CHP1: variants seen among roughly 807,000 people sequenced by gnomAD.
The protein encoded by CHP1 is calcineurin like EF-hand protein 1.
Under a neutral mutation model 27.4 loss-of-function variants are expected in CHP1, and 11 were observed. The ratio of observed to expected loss-of-function variants is 0.40; its 90% CI spans 0.25 to 0.67. The LOEUF (loss-of-function observed/expected upper bound fraction) is 0.67. Among genes scored for constraint, CHP1 ranks in the 30% least tolerant of loss-of-function variants. CHP1 has a pLI of 0.38. For synonymous variants in CHP1, 89 were observed against 87.4 expected, an observed-to-expected ratio of 1.02 and a Z score of -0.10; for missense variants, 169 against 251.3, an observed-to-expected ratio of 0.67 and a Z score of 2.22.
chr15:41,257,535 T>C (rs1303044152), intron 3 of CHP1, among the ~76,000 whole-genome samples: 1 of 151,822 alleles, frequency 6.6e-6, no homozygotes, highest in African/African-American at 2.4e-5. Flanking sequence ...ATAATCAATA[T>C]TAAAAATAAC....
At chr15:41,274,516 G>A (rs1223168462) in intron 5 of CHP1, among the ~76,000 whole-genome samples, 1 of 152,088 alleles carries the variant, frequency 6.6e-6, no homozygotes, top group African/African-American at 2.4e-5. Context: ...AGCCTTCCAA[G>A]TAGGTGGGTC....
chr15:41,260,111 T>C (rs1156685947), intron 3 of CHP1, among the ~76,000 whole-genome samples: 1 of 151,848 alleles, frequency 6.6e-6, no homozygotes, highest in Non-Finnish European at 1.5e-5. Flanking sequence ...TGCATGTCTA[T>C]AGAGCACAGA....
intron 1 of CHP1, among the ~76,000 whole-genome samples, chr15:41,240,482 G>A (rs757885784): frequency 4.6e-5 from 7 of 152,120 alleles, no homozygotes; most frequent in Non-Finnish European, 7.4e-5. Flanking sequence ...AGCTGGGCGC[G>A]GTGGCTCATG....
At chr15:41,249,295 C>T (rs1426221396) in intron 2 of CHP1, among the ~76,000 whole-genome samples, 2 of 151,876 alleles carry the variant, frequency 1.3e-5, no homozygotes, top group African/African-American at 2.4e-5. Flanking sequence ...GCTGGGACTA[C>T]AGGCACGTGT....
chr15:41,271,745 C>A (rs1033453329), intron 5 of CHP1, among the ~76,000 whole-genome samples: 1 of 152,180 alleles, frequency 6.6e-6, no homozygotes, highest in African/African-American at 2.4e-5. Flanking sequence ...GATTCAGGAG[C>A]AACCCAACGT....
intron 2 of CHP1, among the ~76,000 whole-genome samples, chr15:41,255,260 C>T (rs2047393086): frequency 1.3e-5 from 2 of 152,184 alleles, no homozygotes. Flanking sequence ...CAATCCTCTG[C>T]TTTTCTTTGT....
rs774229278 is a variant in CHP1, at chr15:41,278,896, CACTT to C, written c.534+12_534+15del. The C allele has an allele frequency of 3.3e-5, 54 of 1,613,802 alleles. No homozygotes were observed. Among genetic ancestry groups the C allele is most frequent in the South Asian group, 2.3e-4 (21 of 91,052 alleles). ...TTTCACAGAATTTGTTAAGGTTGGT[CACTT>C]ACTTCTTGTTTGAAAAAGTTACGTT... On this transcript the variant is annotated splice_region_variant and intron_variant, in intron 6 of 6. Coordinates refer to ENST00000334660, the MANE Select transcript of CHP1 (RefSeq NM_007236.5).
intron 6 of CHP1, 76 bp from the exon 7 acceptor site, chr15:41,279,260 A>T: frequency 8.2e-7 from 1 of 1,215,732 alleles, no homozygotes; most frequent in Non-Finnish European, 1.2e-6. Context: ...AAGGGGGGAA[A>T]ACATTACTCA....
chr15:41,269,640 C>T (rs1207966272), intron 4 of CHP1, among the ~76,000 whole-genome samples: 1 of 152,088 alleles, frequency 6.6e-6, no homozygotes, highest in Non-Finnish European at 1.5e-5. Flanking sequence ...GTGTCTTGCC[C>T]TCCTCTACTA....
chr15:41,249,960 CAGTGGAACATAAGGCAG>C (rs1457357032), intron 2 of CHP1, among the ~76,000 whole-genome samples: 2 of 151,736 alleles, frequency 1.3e-5, no homozygotes, highest in African/African-American at 4.8e-5. Flanking sequence ...TGATCAGCTC[CAGTGGAACATAAGGCAG>C]AACTGTGGAA....
chr15:41,262,165 A>G (rs2047436871), intron 3 of CHP1, among the ~76,000 whole-genome samples: 1 of 152,024 alleles, frequency 6.6e-6, no homozygotes, highest in South Asian at 2.1e-4. Context: ...TCTGTCTCAA[A>G]ATAAATAAAT....
Position 41,256,956 on chromosome 15 carries a change from G to A in CHP1, c.187G>A (p.Gly63Arg). The A allele has an allele frequency of 6.2e-7, 1 of 1,614,046 alleles. No individual in the cohort carries two copies. The highest frequency in any genetic ancestry group is 8.5e-7 in the Non-Finnish European group (1 of 1,179,974). ...RIPELAINPL[G>R]DRIINAFFPE... The stretch of plus-strand genomic sequence containing the variant: ...TCCAGAACTTGCCATCAACCCACTG[G>A]GGGACCGGATCATCAATGCCTTCTT... The change falls in exon 3 of 7, where the codon GGG (glycine) becomes AGG (arginine). Residue 63 changes from glycine to arginine, a missense_variant. Transcript: ENST00000334660.
In CHP1 at chr15:41,280,038, A is replaced by C. The variant is rs1307553759; in HGVS notation, c.*649A>C. The C allele has an allele frequency of 1.3e-5, 2 of 152,270 alleles. No individual in the cohort carries two copies. The highest frequency in any genetic ancestry group is 4.8e-5 in the African/African-American group (2 of 41,438). The allele number at this position is 152,270 out of a possible 1,614,324, so 9.4% of individuals were successfully genotyped here. On this transcript the variant is annotated 3_prime_UTR_variant, in exon 7 of 7. Transcript: ENST00000334660. ...CTCTTCAGGAGCTTTTTGGTAATCAATACTTCTCTCAGAAGTATGAGACCA... is the reference window on the plus strand; with the variant it reads ...CTCTTCAGGAGCTTTTTGGTAATCACTACTTCTCTCAGAAGTATGAGACCA...
At chr15:41,269,303 G>A (rs2047477407) in intron 4 of CHP1, among the ~76,000 whole-genome samples, 1 of 152,038 alleles carries the variant, frequency 6.6e-6, no homozygotes, top group Non-Finnish European at 1.5e-5. Flanking sequence ...TCCTTTCTCT[G>A]GAATTCTGAT....
intron 1 of CHP1, among the ~76,000 whole-genome samples, chr15:41,241,924 T>A (rs2047308998): frequency 1.3e-5 from 2 of 152,222 alleles, no homozygotes; most frequent in Non-Finnish European, 2.9e-5. Context: ...TCCACACTTG[T>A]CACACCCTTT....
chr15:41,243,764 C>T, intron 2 of CHP1, 25 bp downstream of exon 2: 1 of 1,607,120 alleles, frequency 6.2e-7, no homozygotes, highest in African/African-American at 1.3e-5. Context: ...TCTTTATTTT[C>T]CTCACAGAAA....
chr15:41,268,829 G>A (rs1256494510), intron 4 of CHP1, among the ~76,000 whole-genome samples: 2 of 150,514 alleles, frequency 1.3e-5, no homozygotes, highest in South Asian at 2.1e-4. Flanking sequence ...GCGTGGTGGT[G>A]GGCGCCTGTA....
chr15:41,244,891 C>T (rs1049226048), intron 2 of CHP1, among the ~76,000 whole-genome samples: 3 of 152,046 alleles, frequency 2.0e-5, no homozygotes, highest in African/African-American at 7.2e-5. Context: ...AAGCTGTTGC[C>T]CTTCCTTTTG....
chr15:41,268,744 G>A (rs1484151320), intron 4 of CHP1, among the ~76,000 whole-genome samples: 2 of 147,684 alleles, frequency 1.4e-5, no homozygotes, highest in African/African-American at 5.0e-5. Flanking sequence ...CATGAGGTTA[G>A]GAGATCGAGA....
Sources: allele counts gnomAD v4.1 joint callset (sites outside exome capture counted in the v4.1 genomes callset), GRCh38; gene constraint gnomAD v4.1.1; transcripts MANE v1.5; gene names NCBI Gene and HGNC (gene_info 2026-07-23, HGNC 2026-07-21).